ZFHX3: variants seen among roughly 807,000 people sequenced by gnomAD.
ZFHX3 encodes the protein zinc finger homeobox protein 3.
In ZFHX3, 42 loss-of-function variants were observed where a neutral mutation model predicts 279.1. The ratio of observed to expected loss-of-function variants is 0.15; its 90% CI spans 0.12 to 0.19. ZFHX3 has a LOEUF of 0.19. Ranked by LOEUF, ZFHX3 falls within the 10% of genes least tolerant of loss-of-function variation. The pLI, the probability that ZFHX3 is intolerant of heterozygous loss-of-function variation, is 1.00. For synonymous variants in ZFHX3, 2,293 were observed against 1,957.8 expected (o/e 1.17, Z -4.52); for missense variants, 4,981 against 4,754.0 (o/e 1.05, Z -1.40).
intron 1 of ZFHX3, among the ~76,000 whole-genome samples, chr16:73,848,329 A>G (rs901962241): frequency 1.3e-5 from 2 of 152,090 alleles, no homozygotes; most frequent in East Asian, 3.9e-4. Context: ...CCACTGGTCT[A>G]TGCTCAGGAC....
rs547752040 is a variant in ZFHX3, at chr16:73,363,900, C to T, written c.-1290-45564G>A. On this transcript the variant is annotated intron_variant, in intron 3 of 17. Transcript: ENST00000641206. Reference sequence around the variant, plus strand: ...CTGTAGGTAGCTACAGTTCTGGGCACGGCAGCTCATGCCTGTAATCCCCGC... The same window carrying T: ...CTGTAGGTAGCTACAGTTCTGGGCATGGCAGCTCATGCCTGTAATCCCCGC... Among the ~76,000 whole-genome samples, 89 of 152,168 alleles carry T rather than the reference C, an allele frequency of 5.8e-4. No individual in the cohort carries two copies. The South Asian group carries it at 7.5e-3, about 13-fold the overall frequency.
chr16:73,480,609 C>T lies in ZFHX3; in HGVS notation c.-1546-24351G>A, dbSNP rs1304961091. Among the ~76,000 whole-genome samples the T allele has an allele frequency of 3.3e-5, 5 of 152,260 alleles. No individual in the cohort carries two copies. The South Asian group carries it at 1.0e-3, about 32-fold the overall frequency. ...AATGTTTGCAGTGCTGTTGGCTTTG[C>T]AATTGCCTGGCCATCCTGTTTCCCC... On this transcript the variant is annotated intron_variant, in intron 2 of 17. Coordinates refer to the ZFHX3 transcript ENST00000641206.
chr16:72,813,909 C>A (rs939890204), intron 5 of ZFHX3, among the ~76,000 whole-genome samples: 3 of 152,116 alleles, frequency 2.0e-5, no homozygotes, highest in Non-Finnish European at 4.4e-5. Flanking sequence ...TGTGATGGGC[C>A]GCTCCTGAAC....
At chr16:73,481,700 C>T (rs1211585285) in intron 2 of ZFHX3, among the ~76,000 whole-genome samples, 1 of 151,870 alleles carries the variant, frequency 6.6e-6, no homozygotes, top group Non-Finnish European at 1.5e-5. Flanking sequence ...ACTATGTTGC[C>T]CGAGCTGGTC....
chr16:72,903,192 C>CA lies in ZFHX3; in HGVS notation c.3217-13231_3217-13230insT, dbSNP rs1276717392. ...CACTGTGGAGGTCGTTGAGAAAGGC[C>CA]CATGCTAAGGGCAGGTCCCGCCAAG... On this transcript the variant is annotated intron_variant, in intron 3 of 9. Coordinates refer to ENST00000268489, the MANE Select transcript of ZFHX3 (RefSeq NM_006885.4). 6.6e-5 allele frequency among the ~76,000 whole-genome samples: 10 copies of CA among 152,244 alleles called. No individual in the cohort carries two copies. In the South Asian group the frequency reaches 1.7e-3, roughly 25 times the overall value.
chr16:73,822,871 T>C (rs537928799), intron 1 of ZFHX3, among the ~76,000 whole-genome samples: 1 of 152,346 alleles, frequency 6.6e-6, no homozygotes, highest in East Asian at 1.9e-4. Flanking sequence ...TGCAAGCTCT[T>C]ATACAAAACC....
At chr16:73,797,263 G>A (rs976954820) in intron 1 of ZFHX3, among the ~76,000 whole-genome samples, 7 of 152,144 alleles carry the variant, frequency 4.6e-5, no homozygotes, top group Non-Finnish European at 1.0e-4. Context: ...CACTGTTTAT[G>A]CAGTCCAGTT....
intron 1 of ZFHX3, among the ~76,000 whole-genome samples, chr16:73,801,264 G>A (rs1262850593): frequency 6.6e-6 from 1 of 152,138 alleles, no homozygotes; most frequent in Non-Finnish European, 1.5e-5. Flanking sequence ...TGGTGCCTGA[G>A]CAATTCAAAC....
intron 1 of ZFHX3, among the ~76,000 whole-genome samples, chr16:73,024,326 G>A (rs947238178): frequency 1.3e-5 from 2 of 152,182 alleles, no homozygotes; most frequent in Non-Finnish European, 2.9e-5. Context: ...GGAGGCAGCA[G>A]ACGCCACTGA....
At chr16:73,400,818 A>G (rs1180301718) in intron 3 of ZFHX3, 1 of 152,158 alleles carries the variant, frequency 6.6e-6, no homozygotes, top group East Asian at 1.9e-4. Flanking sequence ...CTGGCGGTTC[A>G]CCTTTGCTCT....
intron 3 of ZFHX3, among the ~76,000 whole-genome samples, chr16:72,907,193 C>A (rs1333831727): frequency 6.6e-6 from 1 of 152,138 alleles, no homozygotes; most frequent in Admixed American, 6.5e-5. Context: ...AAACACAAAT[C>A]TTTCGATGAC....
At chr16:72,879,366 C>T (rs1468181247) in intron 4 of ZFHX3, among the ~76,000 whole-genome samples, 2 of 152,176 alleles carry the variant, frequency 1.3e-5, no homozygotes, top group Non-Finnish European at 2.9e-5. Flanking sequence ...ACACCACACA[C>T]AAGCCCAGGG....
At chr16:73,784,796 A>AAAAAAAT (rs56734827) in intron 1 of ZFHX3, among the ~76,000 whole-genome samples, 171 of 131,070 alleles carry the variant, frequency 1.3e-3, no homozygotes, top group Middle Eastern at 7.7e-3. Flanking sequence ...TAAAAAAAAA[A>AAAAAAAT]ATATATATAT....
chr16:72,814,591 G>C (rs2036551541), intron 5 of ZFHX3, among the ~76,000 whole-genome samples: 1 of 146,140 alleles, frequency 6.8e-6, no homozygotes. Context: ...CTTTCCCCCT[G>C]CATGGAGAGG....
At chr16:73,219,271 A>C (rs2030309436) in intron 5 of ZFHX3, among the ~76,000 whole-genome samples, 1 of 151,956 alleles carries the variant, frequency 6.6e-6, no homozygotes, top group African/African-American at 2.4e-5. Context: ...CAGCATACAG[A>C]CCTATGCTGT....
At chr16:73,293,544 C>A (rs1027060214) in intron 4 of ZFHX3, among the ~76,000 whole-genome samples, 1 of 152,096 alleles carries the variant, frequency 6.6e-6, no homozygotes, top group African/African-American at 2.4e-5. Context: ...TGCATGAAGA[C>A]AATAGTGAGA....
At chr16:73,257,398 A>T (rs770582670) in intron 4 of ZFHX3, among the ~76,000 whole-genome samples, 3 of 152,190 alleles carry the variant, frequency 2.0e-5, no homozygotes, top group Non-Finnish European at 4.4e-5. Flanking sequence ...TAGCCCATGG[A>T]CTTGACTCTG....
intron 3 of ZFHX3, among the ~76,000 whole-genome samples, chr16:72,901,035 C>G (rs569756280): frequency 6.6e-6 from 1 of 152,190 alleles, no homozygotes; most frequent in Non-Finnish European, 1.5e-5. Context: ...AAAAGTCACA[C>G]GGAAGCAGCT....
chr16:73,816,635 G>A (rs997862965), intron 1 of ZFHX3, among the ~76,000 whole-genome samples: 1 of 152,164 alleles, frequency 6.6e-6, no homozygotes, highest in Non-Finnish European at 1.5e-5. Flanking sequence ...GAGATGGGGG[G>A]GGAGAGAAAA....
Sources: gnomAD v4.1 joint callset for allele counts (sites outside exome capture counted in the v4.1 genomes callset) on GRCh38, gnomAD v4.1.1 for gene constraint, MANE v1.5 for transcripts, NCBI Gene and HGNC (gene_info 2026-07-23, HGNC 2026-07-21) for gene names.